The following GLB1L2 variants were observed in gnomAD, a reference collection of about 807,000 sequenced individuals.
GLB1L2 encodes the protein galactosidase beta 1 like 2.
In GLB1L2, 68 loss-of-function variants were observed where a neutral mutation model predicts 84.1. The observed-to-expected ratio is 0.81, with a 90% confidence interval of 0.67 to 0.99. The LOEUF is 0.99. Among genes scored for constraint, GLB1L2 ranks in the 50% least tolerant of loss-of-function variants. The pLI, the probability that GLB1L2 is intolerant of heterozygous loss-of-function variation, is 0.00. For synonymous variants in GLB1L2, 290 were observed against 318.0 expected (o/e 0.91, Z 0.94); for missense variants, 762 against 805.6 (o/e 0.95, Z 0.66).
chr11:134,360,503 G>A (rs1591619826), intron 7 of GLB1L2: 1 of 152,206 alleles, frequency 6.6e-6, no homozygotes, highest in African/African-American at 2.4e-5. Flanking sequence ...TGTGTTGGGA[G>A]ACTCCTGGTG....
At chr11:134,354,457 T>C (rs73604973) in intron 5 of GLB1L2, among the ~76,000 whole-genome samples, 3,207 of 152,108 alleles carry the variant, frequency 0.021, 110 homozygotes, top group African/African-American at 0.072. Flanking sequence ...TTTTTATGTG[T>C]CTATCTTTGC....
intron 15 of GLB1L2, 130 bp from the exon 16 acceptor site, chr11:134,373,591 C>G (rs1943985236): frequency 3.0e-6 from 2 of 672,588 alleles, no homozygotes; most frequent in Admixed American, 2.4e-5. Flanking sequence ...ACCCCTCACC[C>G]CAGCTTCTCA....
intron 9 of GLB1L2, among the ~76,000 whole-genome samples, 162 bp downstream of exon 9, chr11:134,367,503 C>G (rs944064030): frequency 6.6e-6 from 1 of 152,178 alleles, no homozygotes; most frequent in Non-Finnish European, 1.5e-5. Flanking sequence ...TTTGTCTTGA[C>G]ACTTGGATGA....
intron 5 of GLB1L2, among the ~76,000 whole-genome samples, chr11:134,355,329 T>A (rs1389600846): frequency 1.3e-5 from 2 of 152,258 alleles, no homozygotes; most frequent in Non-Finnish European, 2.9e-5. Context: ...TTTCTTCAGA[T>A]ACTGCTTTTG....
intron 7 of GLB1L2, 119 bp downstream of exon 7, chr11:134,359,260 G>A: frequency 1.5e-6 from 1 of 682,828 alleles, no homozygotes; most frequent in Admixed American, 2.6e-5. Flanking sequence ...ATTCTCCCGT[G>A]CATATGGCAC....
chr11:134,350,798 T>C (rs1052622053), intron 5 of GLB1L2, among the ~76,000 whole-genome samples: 4 of 152,248 alleles, frequency 2.6e-5, no homozygotes, highest in Admixed American at 2.6e-4. Flanking sequence ...TATTCCCAAG[T>C]ATTTTGTTGT....
chr11:134,332,873 C>T (rs1156341631), intron 1 of GLB1L2, among the ~76,000 whole-genome samples: 1 of 152,202 alleles, frequency 6.6e-6, no homozygotes, highest in Non-Finnish European at 1.5e-5. Flanking sequence ...TTTTTCTAAA[C>T]TGTGCTTATT....
chr11:134,344,766 A>G (rs1251933214), intron 3 of GLB1L2, among the ~76,000 whole-genome samples: 10 of 152,230 alleles, frequency 6.6e-5, no homozygotes, highest in African/African-American at 2.4e-4. Flanking sequence ...CTAGGCTAGC[A>G]AGGCTATGGG....
Position 134,371,480 on chromosome 11 carries a change from C to A in GLB1L2, c.1416C>A (p.Val472=). The stretch of plus-strand genomic sequence containing the variant: ...ACTACAAGACAACGAAGATTGCTGT[C>A]CCCCTGATCCAGGTTCGTTGTTTTT... ...FLDYKTTKIA[V]PLIQGYTVLR... The change falls in exon 14 of 19, where the codon GTC becomes GTA. Residue 472 remains valine, a synonymous_variant. Transcript: ENST00000535456. The A allele has an allele frequency of 6.3e-7, 1 of 1,585,794 alleles. No individual in the cohort carries two copies. The highest frequency in any genetic ancestry group is 8.7e-7 in the Non-Finnish European group (1 of 1,154,198).
At chr11:134,361,974 G>T (rs1943798447) in intron 7 of GLB1L2, among the ~76,000 whole-genome samples, 1 of 152,134 alleles carries the variant, frequency 6.6e-6, no homozygotes, top group African/African-American at 2.4e-5. Context: ...CTGCGCATCC[G>T]GGGAGCGGCC....
At chr11:134,371,307 C>A in intron 13 of GLB1L2, 114 bp from the exon 14 acceptor site, 1 of 1,206,468 alleles carries the variant, frequency 8.3e-7, no homozygotes, top group Non-Finnish European at 1.2e-6. Context: ...TCTGCTCTGC[C>A]CACTGGCCCC....
At chr11:134,347,233 G>A (rs1327659571) in intron 4 of GLB1L2, 92 bp from the exon 5 acceptor site, 3 of 905,232 alleles carry the variant, frequency 3.3e-6, no homozygotes, top group Non-Finnish European at 5.6e-6. Context: ...TGGAGCACTG[G>A]GGGGCCTCTC....
At chr11:134,371,612 G>A (rs1943953114) in intron 14 of GLB1L2, 120 bp downstream of exon 14, 2 of 1,022,618 alleles carry the variant, frequency 2.0e-6, no homozygotes, top group African/African-American at 1.6e-5. Context: ...TGTAGGTGGA[G>A]AGGGCGAGTG....
At chr11:134,340,152 A>G (rs117217571) in intron 1 of GLB1L2, among the ~76,000 whole-genome samples, 556 of 152,296 alleles carry the variant, frequency 3.7e-3, no homozygotes, top group Non-Finnish European at 5.5e-3. Context: ...AGATGTTAGG[A>G]TAAGTAATGT....
At chr11:134,361,932 C>G (rs1038977052) in intron 7 of GLB1L2, among the ~76,000 whole-genome samples, 2 of 152,320 alleles carry the variant, frequency 1.3e-5, no homozygotes, top group East Asian at 3.9e-4. Context: ...GGCCAAGTTC[C>G]TCAGGGAGCC....
At position 134,375,298 on chromosome 11, in the gene GLB1L2, C is replaced by T. The variant is rs749288945; in HGVS notation, c.*240C>T. 7.9e-5 allele frequency: 38 copies of T among 480,070 alleles called. No homozygotes were observed. The highest frequency in any genetic ancestry group is 6.0e-4 in the African/African-American group (30 of 50,396). 29.7% of individuals were successfully genotyped at this position (480,070 alleles called of 1,614,324 possible). On this transcript the variant is annotated 3_prime_UTR_variant, in exon 19 of 19. Coordinates refer to ENST00000535456, the MANE Select transcript of GLB1L2 (RefSeq NM_001370461.1). ...CTTTCCTACAGCCCTGCTCTTGTGC[C>T]GAGGCTGTCGGGCTGTCTCTAGGGT...
Position 134,367,265 on chromosome 11 carries a change from G to A in GLB1L2, c.813G>A (p.Gln271=). The A allele has an allele frequency of 6.2e-7, 1 of 1,614,070 alleles. No homozygotes were observed. Residue 271 remains glutamine (Q), a synonymous_variant, in exon 9 of 19, where the codon CAG becomes CAA. Coordinates refer to ENST00000535456, the MANE Select transcript of GLB1L2 (RefSeq NM_001370461.1). ...TTFLFNVQGT[Q]PKMVMEYWTG... The stretch of plus-strand genomic sequence containing the variant: ...CATTTTGTGGTGTCCAGGGGACTCA[G>A]CCCAAGATGGTGATGGAGTACTGGA...
At chr11:134,374,438 C>G (rs1943998258) in intron 17 of GLB1L2, among the ~76,000 whole-genome samples, 164 bp from the exon 18 acceptor site, 1 of 152,166 alleles carries the variant, frequency 6.6e-6, no homozygotes, top group Admixed American at 6.5e-5. Flanking sequence ...ACACCTCATG[C>G]ACTAGGGGGA....
intron 9 of GLB1L2, among the ~76,000 whole-genome samples, chr11:134,367,685 G>A (rs1184511070): frequency 6.6e-6 from 1 of 152,176 alleles, no homozygotes; most frequent in Non-Finnish European, 1.5e-5. Context: ...CTGTATCTCT[G>A]CCGACAGCTC....
Sources: allele counts gnomAD v4.1 joint callset (sites outside exome capture counted in the v4.1 genomes callset), GRCh38; gene constraint gnomAD v4.1.1; transcripts MANE v1.5; gene names NCBI Gene and HGNC (gene_info 2026-07-23, HGNC 2026-07-21).